Variants in ACTR3C observed in about 807,000 individuals in gnomAD.
ACTR3C encodes actin related protein 3C.
ACTR3C carries 18 observed loss-of-function variants against 26.3 expected under a neutral mutation model. The observed-to-expected ratio is 0.68, with a 90% CI of 0.47 to 1.01. The LOEUF (loss-of-function observed/expected upper bound fraction) is 1.01, where lower values mean the gene tolerates loss of function less well. Ranked by LOEUF, ACTR3C falls within the 50% of genes least tolerant of loss-of-function variation. The pLI is 0.00. For synonymous variants in ACTR3C, 55 were observed against 94.5 expected, an observed-to-expected ratio of 0.58 and a Z score of 2.42; for missense variants, 184 against 250.7, an observed-to-expected ratio of 0.73 and a Z score of 1.80.
the ACTR3C span, among the ~76,000 whole-genome samples, chr7:150,088,778 C>T: frequency 0.74 from 111,780 of 151,946 alleles, 41,169 homozygotes; most frequent in African/African-American, 0.75. Context: ...ACTAGTTCTA[C>T]GATAGTAGGA....
downstream of ACTR3C, chr7:150,246,900 C>T (rs1239171048): frequency 6.6e-6 from 1 of 152,288 alleles, no homozygotes; most frequent in Admixed American, 6.5e-5. Context: ...TCAAGCAATT[C>T]TCCCGCCTCC....
the ACTR3C span, among the ~76,000 whole-genome samples, chr7:150,216,566 T>C: frequency 6.6e-6 from 1 of 152,188 alleles, no homozygotes; most frequent in Admixed American, 6.5e-5. Context: ...GCTCTATTTG[T>C]GTGATCTTTA....
the ACTR3C span, among the ~76,000 whole-genome samples, chr7:150,092,949 C>A: frequency 6.1e-3 from 921 of 151,556 alleles, 39 homozygotes; most frequent in African/African-American, 0.022. Flanking sequence ...CCCAGAGATG[C>A]AAAAAGATGG....
At chr7:149,910,971 G>A in the ACTR3C span, among the ~76,000 whole-genome samples, 5 of 151,824 alleles carry the variant, frequency 3.3e-5, no homozygotes, top group African/African-American at 1.2e-4. Flanking sequence ...CCTACAAGGA[G>A]CTTCTGGAGG....
chr7:149,992,380 CAG>C, the ACTR3C span, among the ~76,000 whole-genome samples: 11 of 152,220 alleles, frequency 7.2e-5, no homozygotes, highest in African/African-American at 2.2e-4. Flanking sequence ...CCGACTTTGA[CAG>C]AGTGTTGAAG....
intron 6 of ACTR3C, among the ~76,000 whole-genome samples, chr7:150,265,468 C>T (rs906491531): frequency 3.9e-5 from 6 of 151,914 alleles, no homozygotes; most frequent in African/African-American, 1.2e-4. Flanking sequence ...CCGAGGCAGG[C>T]GGATCACCTG....
chr7:150,111,518 A>C, the ACTR3C span, among the ~76,000 whole-genome samples: 1 of 82,192 alleles, frequency 1.2e-5, no homozygotes, highest in South Asian at 4.1e-4. Flanking sequence ...ACACTCACAC[A>C]CTTGCACAGT....
chr7:150,063,308 G>A, the ACTR3C span, among the ~76,000 whole-genome samples: 17,239 of 151,262 alleles, frequency 0.11, 1,128 homozygotes, highest in Middle Eastern at 0.17. Flanking sequence ...TGTGACTGCA[G>A]GCTGGAGACT....
At chr7:150,308,996 T>C (rs1359845524) in intron 1 of ACTR3C, among the ~76,000 whole-genome samples, 1 of 152,152 alleles carries the variant, frequency 6.6e-6, no homozygotes, top group African/African-American at 2.4e-5. Flanking sequence ...CATCCTGACC[T>C]CTCCCGTCTC....
chr7:149,950,631 G>A, the ACTR3C span, among the ~76,000 whole-genome samples: 3 of 147,202 alleles, frequency 2.0e-5, no homozygotes, highest in Non-Finnish European at 3.0e-5. Flanking sequence ...GAGAACATGT[G>A]GCAGTTTTGG....
Position 150,295,257 on chromosome 7 carries a change from C to T in ACTR3C, c.40G>A (p.Val14Ile). The part of the protein sequence containing the change: ...SFNVPGLYIA[V>I]QAVLALAASW... ...ACAAACATAACTGGTTTTACCTGAA[C>T]TGCAATGTAGAGTCCTGGAACGTTA... is the stretch of plus-strand genomic sequence containing the variant. Residue 14 changes from valine to isoleucine, a missense_variant, in exon 2 of 8, where the codon GTT becomes ATT. Val to Ile is a conservative substitution (Grantham distance 29). Coordinates refer to ENST00000683684, the MANE Select transcript of ACTR3C (RefSeq NM_001164458.2). The T allele has an allele frequency of 5.0e-6, 8 of 1,613,946 alleles. No homozygotes were observed. The highest frequency in any genetic ancestry group is 6.8e-6 in the Non-Finnish European group (8 of 1,179,842).
At chr7:149,975,767 T>G in the ACTR3C span, among the ~76,000 whole-genome samples, 2 of 152,168 alleles carry the variant, frequency 1.3e-5, no homozygotes, top group East Asian at 3.8e-4. Context: ...GGAGAGGGAA[T>G]GAGAGTCGAG....
At chr7:150,145,064 A>AG in the ACTR3C span, among the ~76,000 whole-genome samples, 2 of 151,994 alleles carry the variant, frequency 1.3e-5, no homozygotes, top group Non-Finnish European at 2.9e-5. Flanking sequence ...AAAAAAAAAA[A>AG]AAGATTCCCC....
chr7:150,305,673 A>G (rs544694355), intron 1 of ACTR3C, among the ~76,000 whole-genome samples: 1 of 152,282 alleles, frequency 6.6e-6, no homozygotes, highest in East Asian at 1.9e-4. Flanking sequence ...TCTCTTTGAC[A>G]TCTCTGAGTG....
At chr7:149,883,060 G>A in the ACTR3C span, among the ~76,000 whole-genome samples, 1 of 152,216 alleles carries the variant, frequency 6.6e-6, no homozygotes, top group African/African-American at 2.4e-5. Flanking sequence ...AAGGAGGTAC[G>A]ACTCTAAGTG....
the ACTR3C span, among the ~76,000 whole-genome samples, chr7:149,970,196 T>C: frequency 6.6e-6 from 1 of 151,948 alleles, no homozygotes; most frequent in African/African-American, 2.4e-5. Context: ...TGAAATGCTA[T>C]CGTTCTGCAC....
chr7:149,891,429 T>G, the ACTR3C span: 1 of 1,091,060 alleles, frequency 9.2e-7, no homozygotes, highest in Non-Finnish European at 1.3e-6. Context: ...TTGTTGTTAA[T>G]TCTTGTAAAG....
the ACTR3C span, among the ~76,000 whole-genome samples, chr7:150,024,347 CAA>C: frequency 6.5e-4 from 99 of 152,138 alleles, 2 homozygotes; most frequent in African/African-American, 2.3e-3. Context: ...CTGGATTCTG[CAA>C]AGTCACAGTC....
At chr7:149,966,468 T>A in the ACTR3C span, among the ~76,000 whole-genome samples, 2 of 152,216 alleles carry the variant, frequency 1.3e-5, no homozygotes, top group African/African-American at 4.8e-5. Flanking sequence ...GAAAGTAACA[T>A]CATCCTGCTT....
Sources: allele counts gnomAD v4.1 joint callset (sites outside exome capture counted in the v4.1 genomes callset), GRCh38; gene constraint gnomAD v4.1.1; transcripts MANE v1.5; gene names NCBI Gene and HGNC (gene_info 2026-07-23, HGNC 2026-07-21).